PRKCB: variants seen among roughly 807,000 people sequenced by gnomAD.
PRKCB encodes protein kinase C beta type.
In PRKCB, 13 loss-of-function variants were observed where a neutral mutation model predicts 81.5. That is an observed-to-expected ratio of 0.16 (90% CI 0.10 to 0.25). The LOEUF is 0.25. Among genes scored for constraint, PRKCB ranks in the 10% least tolerant of loss-of-function variants. PRKCB has a pLI of 1.00. For synonymous variants in PRKCB, 335 were observed against 321.4 expected, an observed-to-expected ratio of 1.04 and a Z score of -0.45; for missense variants, 509 against 875.7, an observed-to-expected ratio of 0.58 and a Z score of 5.29.
At chr16:24,140,747 A>G (rs1024371561) in intron 9 of PRKCB, among the ~76,000 whole-genome samples, 1 of 152,202 alleles carries the variant, frequency 6.6e-6, no homozygotes, top group African/African-American at 2.4e-5. Context: ...TAATTGGGAA[A>G]GTTGCAAGTC....
At chr16:24,155,416 G>A (rs1285488371) in intron 10 of PRKCB, among the ~76,000 whole-genome samples, 2 of 152,166 alleles carry the variant, frequency 1.3e-5, no homozygotes, top group Non-Finnish European at 2.9e-5. Flanking sequence ...TCTTGACTGT[G>A]ATTTCAACCC....
At chr16:24,002,347 G>A (rs1005305671) in intron 3 of PRKCB, among the ~76,000 whole-genome samples, 9 of 151,734 alleles carry the variant, frequency 5.9e-5, no homozygotes, top group East Asian at 1.9e-4. Flanking sequence ...GTGTGCGTGC[G>A]TGCGTGTGTG....
intron 13 of PRKCB, among the ~76,000 whole-genome samples, chr16:24,182,335 A>G (rs754446539): frequency 6.6e-6 from 1 of 152,118 alleles, no homozygotes; most frequent in Non-Finnish European, 1.5e-5. Context: ...ACTGGACAAC[A>G]TAGTGAGACC....
At chr16:24,144,443 C>T (rs450929) in intron 9 of PRKCB, among the ~76,000 whole-genome samples, 55,311 of 151,932 alleles carry the variant, frequency 0.36, 10,440 homozygotes, top group South Asian at 0.47. Flanking sequence ...GGATTACAGG[C>T]GTGTGCTATC....
At chr16:24,167,359 T>C (rs987736084) in intron 10 of PRKCB, among the ~76,000 whole-genome samples, 1 of 151,954 alleles carries the variant, frequency 6.6e-6, no homozygotes, top group Non-Finnish European at 1.5e-5. Flanking sequence ...TTCTAAAAAT[T>C]AGTCAGTGTG....
At chr16:23,881,658 T>C (rs576750978) in intron 2 of PRKCB, among the ~76,000 whole-genome samples, 200 of 152,356 alleles carry the variant, frequency 1.3e-3, no homozygotes, top group Non-Finnish European at 2.3e-3. Context: ...AAAAAATAAT[T>C]ACAAAATTTT....
intron 2 of PRKCB, among the ~76,000 whole-genome samples, chr16:23,839,259 C>T (rs10852255): frequency 0.18 from 26,793 of 146,872 alleles, 2,659 homozygotes; most frequent in South Asian, 0.32. Flanking sequence ...GAAATATGGG[C>T]GCTCTAGAGA....
At chr16:23,945,185 C>T (rs1315343913) in intron 2 of PRKCB, among the ~76,000 whole-genome samples, 1 of 152,150 alleles carries the variant, frequency 6.6e-6, no homozygotes, top group African/African-American at 2.4e-5. Context: ...CTTTTTGACA[C>T]CACAGGGGCA....
intron 2 of PRKCB, among the ~76,000 whole-genome samples, chr16:23,986,013 G>GA (rs1964798668): frequency 6.6e-6 from 1 of 151,946 alleles, no homozygotes; most frequent in South Asian, 2.1e-4. Context: ...TACCTCTTTG[G>GA]AAAAAAATGG....
At chr16:23,917,404 T>C (rs961402339) in intron 2 of PRKCB, among the ~76,000 whole-genome samples, 5 of 152,226 alleles carry the variant, frequency 3.3e-5, no homozygotes, top group African/African-American at 1.2e-4. Flanking sequence ...GATTGCATCG[T>C]GGTCCATAGT....
chr16:24,181,452 G>GA (rs1967620082), intron 13 of PRKCB, among the ~76,000 whole-genome samples: 1 of 152,050 alleles, frequency 6.6e-6, no homozygotes, highest in East Asian at 1.9e-4. Flanking sequence ...CATTGTTAGA[G>GA]AAAAAAATCA....
chr16:24,142,879 C>T lies in PRKCB; in HGVS notation c.1066-11805C>T, dbSNP rs1269901846. On this transcript the variant is annotated intron_variant, in intron 9 of 16. Coordinates refer to ENST00000643927, the MANE Select transcript of PRKCB (RefSeq NM_002738.7). ...GGAGGGTACACTCCTTGCAACAGAT[C>T]AGCACCCTGACCCTGTACCCAGCCT... Among the ~76,000 whole-genome samples, 3 of 152,032 alleles carry T rather than the reference C, an allele frequency of 2.0e-5. No homozygotes were observed. The East Asian group carries it at 5.8e-4, about 30-fold the overall frequency.
intron 2 of PRKCB, among the ~76,000 whole-genome samples, chr16:23,849,345 T>C (rs1295980119): frequency 6.6e-6 from 1 of 152,196 alleles, no homozygotes; most frequent in Non-Finnish European, 1.5e-5. Context: ...GGGTGAAGTC[T>C]GAAGGACGGT....
chr16:24,127,532 A>G (rs1292590819), intron 9 of PRKCB, among the ~76,000 whole-genome samples: 1 of 152,142 alleles, frequency 6.6e-6, no homozygotes, highest in East Asian at 1.9e-4. Flanking sequence ...TCAAAAGTTC[A>G]TGTACTACGC....
chr16:24,012,648 G>T (rs1345735350), intron 3 of PRKCB, among the ~76,000 whole-genome samples: 2 of 152,244 alleles, frequency 1.3e-5, no homozygotes, highest in Non-Finnish European at 2.9e-5. Context: ...GCGAAGCAGG[G>T]TGGACATACG....
At position 24,113,583 on chromosome 16, in the gene PRKCB, C is replaced by T. The variant is rs73548425; in HGVS notation, c.918+514C>T. On this transcript the variant is annotated intron_variant, in intron 8 of 16. Coordinates refer to ENST00000643927, the MANE Select transcript of PRKCB (RefSeq NM_002738.7). ...TTCCTCTCTCTTTTCATTCTTTCTCCCCTTTCTCTCTCTCTTCCTCTCTCT... is the reference window on the plus strand; with the variant it reads ...TTCCTCTCTCTTTTCATTCTTTCTCTCCTTTCTCTCTCTCTTCCTCTCTCT... 7.6e-3 allele frequency among the ~76,000 whole-genome samples: 1,130 copies of T among 149,280 alleles called. 17 individuals carry two copies. The highest frequency in any genetic ancestry group is 0.026 in the African/African-American group (1,039 of 40,498).
In PRKCB at chr16:24,171,426, C is replaced by T. The variant is rs77550937; in HGVS notation, c.1240-844C>T. On this transcript the variant is annotated intron_variant, in intron 10 of 16. Transcript: ENST00000643927. ...GGGTGGAAGTTGTAGGTCTTTTACG[C>T]GCTACTCCTGGAAGTCATTCATTGT... Among the ~76,000 whole-genome samples the T allele has an allele frequency of 8.2e-3, 1,244 of 152,186 alleles. 16 individuals are homozygous for T. The highest frequency in any genetic ancestry group is 0.037 in the Middle Eastern group (11 of 294).
At chr16:24,200,136 G>T (rs1479946582) in intron 16 of PRKCB, among the ~76,000 whole-genome samples, 1 of 152,116 alleles carries the variant, frequency 6.6e-6, no homozygotes, top group South Asian at 2.1e-4. Flanking sequence ...TGACAAAGAC[G>T]GCATGCATTG....
intron 2 of PRKCB, among the ~76,000 whole-genome samples, chr16:23,880,228 CT>C (rs1963084327): frequency 6.6e-6 from 1 of 152,130 alleles, no homozygotes; most frequent in Non-Finnish European, 1.5e-5. Flanking sequence ...CAGATGACAG[CT>C]AAATAGAAGG....
Sources: gnomAD v4.1 joint callset for allele counts (sites outside exome capture counted in the v4.1 genomes callset) on GRCh38, gnomAD v4.1.1 for gene constraint, MANE v1.5 for transcripts, NCBI Gene and HGNC (gene_info 2026-07-23, HGNC 2026-07-21) for gene names.